BCL11A: variants seen among roughly 807,000 people sequenced by gnomAD.
BCL11A encodes the protein B cell CLL/lymphoma 11A.
In BCL11A, 2 loss-of-function variants were observed where a neutral mutation model predicts 55.9. The ratio of observed to expected loss-of-function variants is 0.04; its 90% CI spans 0.01 to 0.11. The LOEUF (loss-of-function observed/expected upper bound fraction) is 0.11. BCL11A is among the 10% of genes least tolerant of loss of function. The pLI is 1.00. For missense variants in BCL11A, 817 were observed against 1,137.1 expected (o/e 0.72, Z 4.05); for synonymous variants, 465 against 473.4 (o/e 0.98, Z 0.23).
chr2:60,467,168 A>G (rs868439551), intron 3 of BCL11A, among the ~76,000 whole-genome samples: 3,840 of 35,000 alleles, frequency 0.11, 28 homozygotes, highest in Middle Eastern at 0.18. Context: ...GGTGGTGGTG[A>G]TGGTGGTGGT....
chr2:60,531,141 T>C (rs1458992470), intron 2 of BCL11A, among the ~76,000 whole-genome samples: 2 of 151,226 alleles, frequency 1.3e-5, no homozygotes, highest in Admixed American at 1.3e-4. Flanking sequence ...AAGCCCCTCC[T>C]GGCAACCTCA....
At chr2:60,471,803 G>C (rs958489548) in intron 2 of BCL11A, among the ~76,000 whole-genome samples, 3 of 152,126 alleles carry the variant, frequency 2.0e-5, no homozygotes, top group Non-Finnish European at 4.4e-5. Context: ...GCCCACCCCC[G>C]ATCAGCATCA....
Position 60,460,868 on chromosome 2 carries a change from A to T in BCL11A, c.2044T>A (p.Ser682Thr). The change falls in exon 4 of 4, where the codon TCG (serine) becomes ACG (threonine). Residue 682 changes from serine (S) to threonine (T), a missense_variant. By Grantham distance (58) the Ser-to-Thr change is moderately conservative. Coordinates refer to ENST00000642384, the MANE Select transcript of BCL11A (RefSeq NM_022893.4). ...PFLSFGDSRQ[S>T]PFASSSEHSS... ...TGCTCCGACGAGGAGGCAAAAGGCG[A>T]TTGTCTGGAGTCTCCGAAGCTAAGG... 6.2e-7 allele frequency: 1 copy of T among 1,613,298 alleles called. No homozygotes were observed. The highest frequency in any genetic ancestry group is 8.5e-7 in the Non-Finnish European group (1 of 1,180,028).
chr2:60,550,435 C>T (rs939259976), intron 1 of BCL11A, among the ~76,000 whole-genome samples: 1 of 152,120 alleles, frequency 6.6e-6, no homozygotes, highest in African/African-American at 2.4e-5. Flanking sequence ...CGTTCCTCCC[C>T]GGACGAGAAT....
chr2:60,515,145 G>A lies in BCL11A; in HGVS notation c.385+30826C>T, dbSNP rs1030299169. Among the ~76,000 whole-genome samples the A allele has an allele frequency of 3.9e-5, 6 of 152,304 alleles. No homozygotes were observed. In the South Asian group the frequency reaches 6.2e-4, roughly 16 times the overall value. On this transcript the variant is annotated intron_variant, in intron 2 of 3. Coordinates refer to ENST00000642384, the MANE Select transcript of BCL11A (RefSeq NM_022893.4). ...CCCCAACACTGGCTTCCAGGTGAGC[G>A]AGACAGAATCTGCAAGCAGAGTTCA...
Position 60,459,214 on chromosome 2 carries a change from A to C in BCL11A, c.*1190T>G. ...TATGGTATACAAGGTCTTAAAGTTT[A>C]TCATTTGATTGTCCACTTGACAACC... On this transcript the variant is annotated 3_prime_UTR_variant, in exon 4 of 4. Transcript: ENST00000642384. The C allele has an allele frequency of 9.8e-7, 1 of 1,021,148 alleles. No homozygotes were observed. The allele number at this position is 1,021,148 out of a possible 1,614,324, so 63.3% of individuals were successfully genotyped here. A position where few individuals can be genotyped will look rare whatever the true frequency, so the allele number is the denominator to read the frequency against.
chr2:60,479,843 GATTTT>G (rs1187461734), intron 2 of BCL11A, among the ~76,000 whole-genome samples: 1 of 152,292 alleles, frequency 6.6e-6, no homozygotes, highest in East Asian at 1.9e-4. Flanking sequence ...AGGTTCTTTT[GATTTT>G]ATTTTATTTT....
At chr2:60,506,646 A>T (rs1428176246) in intron 2 of BCL11A, among the ~76,000 whole-genome samples, 1 of 152,236 alleles carries the variant, frequency 6.6e-6, no homozygotes, top group East Asian at 1.9e-4. Context: ...CACTAAGAAA[A>T]CGACCGTGCC....
intron 2 of BCL11A, among the ~76,000 whole-genome samples, chr2:60,483,840 T>C (rs1678105539): frequency 6.6e-6 from 1 of 152,178 alleles, no homozygotes; most frequent in Non-Finnish European, 1.5e-5. Flanking sequence ...GGTTGTTCTT[T>C]CTTTCTTCCT....
downstream of BCL11A, among the ~76,000 whole-genome samples, chr2:60,455,148 T>C (rs1675884253): frequency 6.6e-6 from 1 of 152,218 alleles, no homozygotes; most frequent in Admixed American, 6.5e-5. Context: ...TCCTGTTTAT[T>C]AAGTTGTTCT....
Position 60,553,481 on chromosome 2 carries a change from G to GCA in BCL11A, c.-213_-212dup, listed in dbSNP as rs1670507271. The GCA allele has an allele frequency of 1.5e-4, 1 of 6,670 alleles. No homozygotes were observed. The highest frequency in any genetic ancestry group is 8.1e-4 in the African/African-American group (1 of 1,232). 0.4% of individuals were successfully genotyped at this position (6,670 alleles called of 1,614,324 possible). A position where few individuals can be genotyped will look rare whatever the true frequency, so the allele number is the denominator to read the frequency against. Reference sequence around the variant, plus strand: ...GAGAGCCGTCATGGCTTTTTTTTAAGCAAAAAAAAAAAAAAAAAAAAAAAA... The same window carrying GCA: ...GAGAGCCGTCATGGCTTTTTTTTAAGCACAAAAAAAAAAAAAAAAAAAAAAAA... On this transcript the variant is annotated 5_prime_UTR_variant, in exon 1 of 4. Transcript: ENST00000642384.
chr2:60,546,392 A>G lies in BCL11A; in HGVS notation c.56-92T>C. 1 of 1,064,892 alleles carries G rather than the reference A, an allele frequency of 9.4e-7. No homozygotes were observed. Among genetic ancestry groups the G allele is most frequent in the South Asian group, 1.6e-5 (1 of 64,384 alleles). The allele number at this position is 1,064,892 out of a possible 1,614,324, so 66.0% of individuals were successfully genotyped here. ...TCTCAACCCCATGCCATCCCACCAC[A>G]TCATGTAAAGTGTTTCTAGGCTTCT... On this transcript the variant is annotated intron_variant, in intron 1 of 3. Transcript: ENST00000642384. This position sits in a 1 kb window ranked among gnomAD's most constrained non-coding sequence, Gnocchi z 4.1.
At chr2:60,466,030 A>G (rs1403672678) in intron 3 of BCL11A, among the ~76,000 whole-genome samples, 1 of 152,150 alleles carries the variant, frequency 6.6e-6, no homozygotes, top group Non-Finnish European at 1.5e-5. Context: ...AATGGGCATC[A>G]GGTTTGTTCT....
chr2:60,512,166 C>G (rs1439800839), intron 2 of BCL11A, among the ~76,000 whole-genome samples: 1 of 152,212 alleles, frequency 6.6e-6, no homozygotes, highest in South Asian at 2.1e-4. Flanking sequence ...GTGCTCACCA[C>G]CCCTGGAGAG....
chr2:60,543,677 CTATT>C (rs1438720736), intron 2 of BCL11A: 1 of 152,336 alleles, frequency 6.6e-6, no homozygotes, highest in Non-Finnish European at 1.5e-5. Context: ...TGTGACCACA[CTATT>C]TATGTTCAGC....
intron 2 of BCL11A, among the ~76,000 whole-genome samples, chr2:60,500,831 G>C (rs1458554376): frequency 6.6e-6 from 1 of 152,184 alleles, no homozygotes; most frequent in East Asian, 1.9e-4. Flanking sequence ...GTGTGTCTGG[G>C]AGCAGCTCTT....
chr2:60,452,437 T>C, downstream of BCL11A: 1 of 698,712 alleles, frequency 1.4e-6, no homozygotes, highest in Non-Finnish European at 2.5e-6. Context: ...CTGGAAGGAC[T>C]CTGCAGGACT....
intron 2 of BCL11A, among the ~76,000 whole-genome samples, chr2:60,497,345 T>C (rs946414729): frequency 6.6e-6 from 1 of 152,208 alleles, no homozygotes; most frequent in Non-Finnish European, 1.5e-5. Flanking sequence ...TCAAGTCAGA[T>C]TTTTCAGAAT....
chr2:60,460,646 T>G lies in BCL11A; in HGVS notation c.2266A>C (p.Asn756His), dbSNP rs1214904696. 2 of 1,614,138 alleles carry G rather than the reference T, an allele frequency of 1.2e-6. No individual in the cohort carries two copies. The highest frequency in any genetic ancestry group is 1.7e-6 in the Non-Finnish European group (2 of 1,180,030). ...TGGCTTCTCCTGTGGACAGTGAGAT[T>G]GCTACAGTTCTTGAAGACTTTCCCA... The part of the protein sequence containing the change: ...YCGKVFKNCS[N>H]LTVHRRSHTG... The change falls in exon 4 of 4, where the codon AAT (asparagine) becomes CAT (histidine). Residue 756 changes from asparagine (N) to histidine (H), a missense_variant. Transcript: ENST00000642384.
Sources: gnomAD v4.1 joint callset for allele counts (sites outside exome capture counted in the v4.1 genomes callset) on GRCh38, gnomAD v4.1.1 for gene constraint, Gnocchi (gnomAD v3.1) non-coding constraint, MANE v1.5 for transcripts, NCBI Gene and HGNC (gene_info 2026-07-23, HGNC 2026-07-21) for gene names.